SVEP1: variants seen among roughly 807,000 people sequenced by gnomAD.
The protein encoded by SVEP1 is sushi, von Willebrand factor type A, EGF and pentraxin domain-containing protein 1.
SVEP1 carries 164 observed loss-of-function variants against 367.3 expected under a neutral mutation model. The observed-to-expected ratio is 0.45, with a 90% CI of 0.39 to 0.51. The LOEUF is 0.51. SVEP1 is among the 20% of genes least tolerant of loss of function. The pLI, the probability that SVEP1 is intolerant of heterozygous loss-of-function variation, is 0.00. For missense variants in SVEP1, 4,117 were observed against 4,425.3 expected (o/e 0.93, Z 1.98); for synonymous variants, 1,666 against 1,611.6 (o/e 1.03, Z -0.81).
At chr9:110,454,884 T>C (rs1828754507) in intron 22 of SVEP1, among the ~76,000 whole-genome samples, 1 of 152,194 alleles carries the variant, frequency 6.6e-6, no homozygotes, top group South Asian at 2.1e-4. Context: ...TGGAATTATC[T>C]GTACTCCAAA....
intron 47 of SVEP1, 120 bp from the exon 48 acceptor site, chr9:110,366,680 C>A: frequency 1.0e-6 from 1 of 959,362 alleles, no homozygotes. Context: ...TGGGCATTAT[C>A]TGTGATGTTT....
In SVEP1 at chr9:110,434,841, AGTGTGC is replaced by A. The variant is rs1828409588; in HGVS notation, c.4889-341_4889-336del. ...GATACAGTTTTGATCATTCAGTTTT[AGTGTGC>A]AGATTGCAACATCCATCGCTTTTCT... On this transcript the variant is annotated intron_variant, in intron 29 of 47. Transcript: ENST00000374469. 4.6e-5 allele frequency among the ~76,000 whole-genome samples: 7 copies of A among 152,070 alleles called. No individual in the cohort carries two copies. In the South Asian group the frequency reaches 1.5e-3, roughly 32 times the overall value.
chr9:110,431,963 T>A lies in SVEP1; in HGVS notation c.5305A>T (p.Ile1769Leu), dbSNP rs566750605. 5.8e-5 allele frequency: 93 copies of A among 1,613,610 alleles called. No homozygotes were observed. Among genetic ancestry groups the A allele is most frequent in the Non-Finnish European group, 7.4e-5 (87 of 1,179,730 alleles). ...GTGTACGGTGGGACACATGAACATA[T>A]GTAGGATCCATCTACGTTCAGGCAA... Reference protein sequence around the residue: ...ASCLNVDGSYICSCVPPYTGD... With the variant: ...ASCLNVDGSYLCSCVPPYTGD... The change falls in exon 32 of 48, where the codon ATA becomes TTA. Residue 1769 changes from isoleucine (I) to leucine (L), a missense_variant. Ile to Leu is a conservative substitution (Grantham distance 5). Transcript: ENST00000374469.
intron 1 of SVEP1, among the ~76,000 whole-genome samples, chr9:110,571,300 A>C: frequency 6.6e-6 from 1 of 152,086 alleles, no homozygotes; most frequent in East Asian, 1.9e-4. Flanking sequence ...CTTCTTTTTC[A>C]GCAATAAAGC....
intron 3 of SVEP1, among the ~76,000 whole-genome samples, chr9:110,520,037 A>T (rs1055161521): frequency 7.2e-5 from 11 of 152,200 alleles, no homozygotes; most frequent in East Asian, 1.9e-4. Context: ...ATTATTTTTT[A>T]AAATAATGCT....
chr9:110,408,489 C>G lies in SVEP1; in HGVS notation c.7111G>C (p.Asp2371His). Residue 2371 changes from aspartate to histidine, a missense_variant, in exon 38 of 48, where the codon GAC (aspartate) becomes CAC (histidine). By Grantham distance (81) the Asp-to-His change is moderately conservative. Around this residue, in one of 4 missense-constraint regions of SVEP1, gnomAD observed 1,765 missense variants for 1,781.1 expected, o/e 0.99. Transcript: ENST00000374469. ...LKCLPSQQWN[D>H]SFPVCKIVLC... is the part of the protein sequence containing the mutation. Reference sequence around the variant, plus strand: ...ACAATCTTACAAACAGGGAAAGAGTCATTCCATTGCTGGGATGGCAAGCAT... The same window carrying G: ...ACAATCTTACAAACAGGGAAAGAGTGATTCCATTGCTGGGATGGCAAGCAT... The G allele has an allele frequency of 6.2e-7, 1 of 1,613,722 alleles. No homozygotes were observed. The highest frequency in any genetic ancestry group is 1.1e-5 in the South Asian group (1 of 91,048).
At position 110,546,266 on chromosome 9, in the gene SVEP1, T is replaced by C; in HGVS notation, c.813A>G (p.Gln271=). Residue 271 remains glutamine, a synonymous_variant, in exon 3 of 48, where the codon CAA becomes CAG. Coordinates refer to ENST00000374469, the MANE Select transcript of SVEP1 (RefSeq NM_153366.4). ...HEDLPSGSFI[Q]DDMVHCSYLC... Reference sequence around the variant, plus strand: ...GATATGAGCAGTGGACCATATCATCTTGAATAAAACTCCCAGAAGGTAGAT... The same window carrying C: ...GATATGAGCAGTGGACCATATCATCCTGAATAAAACTCCCAGAAGGTAGAT... 1 of 1,592,950 alleles carries C rather than the reference T, an allele frequency of 6.3e-7. No individual in the cohort carries two copies.
At chr9:110,557,894 T>G (rs187441185) in intron 1 of SVEP1, among the ~76,000 whole-genome samples, 1 of 152,228 alleles carries the variant, frequency 6.6e-6, no homozygotes, top group Non-Finnish European at 1.5e-5. Flanking sequence ...TAGAACTTTC[T>G]ATAATGCTTG....
intron 47 of SVEP1, among the ~76,000 whole-genome samples, chr9:110,367,430 T>C (rs993323301): frequency 1.3e-5 from 2 of 152,128 alleles, no homozygotes; most frequent in African/African-American, 2.4e-5. Flanking sequence ...GCTTCCCAAA[T>C]TGCTGGGATT....
chr9:110,498,730 A>T (rs918001778), intron 7 of SVEP1, among the ~76,000 whole-genome samples: 1 of 152,184 alleles, frequency 6.6e-6, no homozygotes, highest in Non-Finnish European at 1.5e-5. Context: ...TTGAAAATCA[A>T]TTCAGTCTCA....
intron 1 of SVEP1, among the ~76,000 whole-genome samples, chr9:110,560,733 C>T (rs1830417159): frequency 6.6e-6 from 1 of 152,144 alleles, no homozygotes; most frequent in African/African-American, 2.4e-5. Flanking sequence ...TGGGAGTAAT[C>T]TATGGTGCCT....
chr9:110,540,827 G>A lies in SVEP1; in HGVS notation c.964+5288C>T, dbSNP rs574760151. On this transcript the variant is annotated intron_variant, in intron 3 of 47. Coordinates refer to ENST00000374469, the MANE Select transcript of SVEP1 (RefSeq NM_153366.4). Reference sequence around the variant, plus strand: ...TCTACAATTATTACAATATTTTTGTGCATCAGGATCTTGTCCATGAAGTAG... The same window carrying A: ...TCTACAATTATTACAATATTTTTGTACATCAGGATCTTGTCCATGAAGTAG... Among the ~76,000 whole-genome samples, 25 of 152,250 alleles carry A rather than the reference G, an allele frequency of 1.6e-4. No individual in the cohort carries two copies. The South Asian group carries it at 5.2e-3, about 32-fold the overall frequency.
chr9:110,377,477 G>T, intron 44 of SVEP1, 111 bp from the exon 45 acceptor site: 1 of 959,478 alleles, frequency 1.0e-6, no homozygotes, highest in Non-Finnish European at 1.5e-6. Flanking sequence ...CAAGCTTTCA[G>T]GAAGAGAGAC....
At chr9:110,446,619 T>C (rs1213242714) in intron 25 of SVEP1, among the ~76,000 whole-genome samples, 1 of 152,206 alleles carries the variant, frequency 6.6e-6, no homozygotes, top group African/African-American at 2.4e-5. Flanking sequence ...CTTATCAAAG[T>C]ATCATTTCTA....
At chr9:110,537,653 G>C (rs1830094602) in intron 3 of SVEP1, among the ~76,000 whole-genome samples, 1 of 151,792 alleles carries the variant, frequency 6.6e-6, no homozygotes, top group Non-Finnish European at 1.5e-5. Context: ...TAATGAAAAG[G>C]GTGCTTGTTA....
At position 110,411,524 on chromosome 9, in the gene SVEP1, C is replaced by T. The variant is rs749996653; in HGVS notation, c.6187G>A (p.Ala2063Thr). Reference sequence around the variant, plus strand: ...TCTGGGGGTACCCACTTGCCCTGGGCATTGCAGAGAAGCTGGGAATTGTCT... The same window carrying T: ...TCTGGGGGTACCCACTTGCCCTGGGTATTGCAGAGAAGCTGGGAATTGTCT... The part of the protein sequence containing the change: ...LADNSQLLCN[A>T]QGKWVPPEGQ... Residue 2063 changes from alanine (A) to threonine (T), a missense_variant, in exon 37 of 48, where the codon GCC becomes ACC. Around this residue, in one of 4 missense-constraint regions of SVEP1, gnomAD observed 2,174 missense variants for 2,494.3 expected, o/e 0.87. Coordinates refer to ENST00000374469, the MANE Select transcript of SVEP1 (RefSeq NM_153366.4). 10 of 1,613,866 alleles carry T rather than the reference C, an allele frequency of 6.2e-6. No individual in the cohort carries two copies. The South Asian group carries it at 1.1e-4, about 18-fold the overall frequency.
chr9:110,449,799 G>C (rs1233542062), intron 24 of SVEP1, among the ~76,000 whole-genome samples: 1 of 152,270 alleles, frequency 6.6e-6, no homozygotes, highest in East Asian at 1.9e-4. Flanking sequence ...AGTATAGAAC[G>C]TTAGTTCCCA....
intron 38 of SVEP1, among the ~76,000 whole-genome samples, chr9:110,405,766 C>T (rs957967643): frequency 2.0e-5 from 3 of 152,038 alleles, no homozygotes; most frequent in Non-Finnish European, 4.4e-5. Context: ...CAGTTTTTTG[C>T]CTTATGTCCC....
chr9:110,534,142 C>T (rs961254362), intron 3 of SVEP1, among the ~76,000 whole-genome samples: 1 of 152,078 alleles, frequency 6.6e-6, no homozygotes, highest in Non-Finnish European at 1.5e-5. Context: ...GAGCCTAGTA[C>T]CCAATAGTTA....
Sources: gnomAD v4.1 joint callset for allele counts (sites outside exome capture counted in the v4.1 genomes callset) on GRCh38, gnomAD v4.1.1 for gene constraint, gnomAD v4.1.1 regional missense constraint, MANE v1.5 for transcripts, NCBI Gene and HGNC (gene_info 2026-07-23, HGNC 2026-07-21) for gene names.